The following FMN1 variants were observed in gnomAD, a reference collection of about 807,000 sequenced individuals.
The protein encoded by FMN1 is formin 1.
In FMN1, 110 loss-of-function variants were observed where a neutral mutation model predicts 132.4. That is an observed-to-expected ratio of 0.83 (90% CI 0.71 to 0.97). The LOEUF (loss-of-function observed/expected upper bound fraction) is 0.97, where lower values mean the gene tolerates loss of function less well. Among genes scored for constraint, FMN1 ranks in the 50% least tolerant of loss-of-function variants. FMN1 has a pLI of 0.00. For missense variants in FMN1, 1,792 were observed against 1,705.3 expected (o/e 1.05, Z -0.90); for synonymous variants, 722 against 651.7 (o/e 1.11, Z -1.64).
intron 6 of FMN1, among the ~76,000 whole-genome samples, chr15:33,039,517 A>G (rs1410777187): frequency 6.6e-6 from 1 of 152,220 alleles, no homozygotes; most frequent in Admixed American, 6.5e-5. Flanking sequence ...CTGCTGGAAA[A>G]TTGACCTAGA....
intron 4 of FMN1, among the ~76,000 whole-genome samples, chr15:33,151,546 A>G (rs1384509156): frequency 6.6e-6 from 1 of 152,140 alleles, no homozygotes; most frequent in Non-Finnish European, 1.5e-5. Context: ...CTTTTATGAT[A>G]TTTTTCAAAT....
chr15:32,847,794 G>A (rs1481360901), intron 17 of FMN1, among the ~76,000 whole-genome samples: 1 of 152,176 alleles, frequency 6.6e-6, no homozygotes, highest in African/African-American at 2.4e-5. Context: ...GGCGGAGCGT[G>A]CAGTGAGCTG....
intron 18 of FMN1, 70 bp from the exon 19 acceptor site, chr15:32,799,023 G>T (rs560987206): frequency 9.5e-6 from 13 of 1,374,762 alleles, no homozygotes; most frequent in East Asian, 4.8e-5. Flanking sequence ...ATCCATTAGA[G>T]GGGGGATGCT....
chr15:33,082,111 G>GTGTA (rs1228107055), intron 5 of FMN1, among the ~76,000 whole-genome samples: 4 of 151,396 alleles, frequency 2.6e-5, no homozygotes, highest in African/African-American at 9.7e-5. Flanking sequence ...GTGTGTGTGT[G>GTGTA]TGTGTGTGTG....
intron 7 of FMN1, among the ~76,000 whole-genome samples, chr15:32,972,086 C>A (rs563567985): frequency 5.8e-4 from 89 of 152,196 alleles, no homozygotes; most frequent in African/African-American, 2.0e-3. Context: ...AGCGGATATG[C>A]CAGGGAGGCA....
chr15:33,015,659 TTACCCAC>T (rs1216881716), intron 6 of FMN1, among the ~76,000 whole-genome samples: 1 of 152,066 alleles, frequency 6.6e-6, no homozygotes, highest in Non-Finnish European at 1.5e-5. Context: ...TCACTGGCCT[TTACCCAC>T]TACCTCACAT....
rs971915740 is a variant in FMN1 at position 33,154,011 on chromosome 15, G to C, written c.904C>G (p.Pro302Ala). ...QTGLSESHQDPEKHPEAEKDE... is the reference protein window; with the variant it reads ...QTGLSESHQDAEKHPEAEKDE... Reference sequence around the variant, plus strand: ...TTTTCTGCCTCTGGATGCTTCTCAGGGTCCTGGTGACTTTCAGACAAACCT... The same window carrying C: ...TTTTCTGCCTCTGGATGCTTCTCAGCGTCCTGGTGACTTTCAGACAAACCT... The change falls in exon 4 of 21, where the codon CCT becomes GCT. Residue 302 changes from proline (P) to alanine (A), a missense_variant. Around this residue, in one of 3 missense-constraint regions of FMN1, gnomAD observed 638 missense variants for 645.2 expected, o/e 0.99. Coordinates refer to ENST00000616417, the MANE Select transcript of FMN1 (RefSeq NM_001277313.2). 4.6e-6 allele frequency: 7 copies of C among 1,536,422 alleles called. No individual in the cohort carries two copies. Among genetic ancestry groups the C allele is most frequent in the South Asian group, 1.2e-5 (1 of 84,040 alleles).
intron 6 of FMN1, among the ~76,000 whole-genome samples, chr15:33,009,526 C>G (rs1011437151): frequency 1.3e-5 from 2 of 152,178 alleles, no homozygotes; most frequent in East Asian, 1.9e-4. Flanking sequence ...TCTTGCCATT[C>G]CTTGAACTTG....
chr15:32,870,570 G>A (rs145483062), intron 16 of FMN1, among the ~76,000 whole-genome samples: 67 of 152,308 alleles, frequency 4.4e-4, no homozygotes, highest in Non-Finnish European at 7.6e-4. Context: ...GCCTTTGCAC[G>A]GAATTGTCTA....
At chr15:33,141,218 C>A (rs11072255) in intron 4 of FMN1, among the ~76,000 whole-genome samples, 3 of 151,866 alleles carry the variant, frequency 2.0e-5, no homozygotes, top group Non-Finnish European at 2.9e-5. Context: ...TGTTTTGTGC[C>A]TTTAAGAAAC....
rs963451759 is a variant in FMN1 at position 32,969,056 on chromosome 15, G to T, written c.2645C>A (p.Pro882His). Residue 882 changes from proline (P) to histidine (H), a missense_variant, in exon 8 of 21, where the codon CCC becomes CAC. This residue lies in a region of FMN1 where 1,150 missense variants were observed against 1,043.1 expected (regional missense o/e 1.10). Coordinates refer to ENST00000616417, the MANE Select transcript of FMN1 (RefSeq NM_001277313.2). The part of the protein sequence containing the change: ...PASIPPPPPL[P>H]SGLGSLSPAP... ...GGGAGACAAAGATCCAAGTCCTGAG[G>T]GGAGGGGCGGAGGGGGAGGGATGGA... The T allele has an allele frequency of 1.3e-6, 2 of 1,542,706 alleles. No homozygotes were observed. Among genetic ancestry groups the T allele is most frequent in the African/African-American group, 2.7e-5 (2 of 73,626 alleles).
At chr15:33,103,967 G>A (rs1021283717) in intron 4 of FMN1, among the ~76,000 whole-genome samples, 2 of 151,892 alleles carry the variant, frequency 1.3e-5, no homozygotes, top group African/African-American at 4.8e-5. Context: ...TAAAATGCAA[G>A]TCAGAAGAAA....
intron 12 of FMN1, among the ~76,000 whole-genome samples, chr15:32,904,880 A>T (rs1226121432): frequency 6.6e-6 from 1 of 152,148 alleles, no homozygotes; most frequent in African/African-American, 2.4e-5. Flanking sequence ...GCCCTGCCCC[A>T]TTACTGTTTT....
intron 6 of FMN1, among the ~76,000 whole-genome samples, chr15:33,017,700 G>A (rs1462542500): frequency 6.6e-6 from 1 of 152,164 alleles, no homozygotes; most frequent in Non-Finnish European, 1.5e-5. Context: ...TCAAAAGATG[G>A]GGGGAAACTT....
chr15:32,901,818 A>G (rs2060303586), intron 13 of FMN1, 93 bp downstream of exon 13: 4 of 1,037,190 alleles, frequency 3.9e-6, no homozygotes, highest in Non-Finnish European at 4.0e-6. Flanking sequence ...CTGAGTCCAA[A>G]AAGGTTTCTA....
intron 6 of FMN1, among the ~76,000 whole-genome samples, chr15:33,057,935 A>G (rs1413970108): frequency 8.0e-6 from 1 of 124,332 alleles, no homozygotes. Flanking sequence ...GGCTATAAGC[A>G]CATGAAAGCA....
Position 33,011,884 on chromosome 15 carries a change from G to T in FMN1, c.2162-3809C>A, listed in dbSNP as rs565828807. 2.2e-4 allele frequency among the ~76,000 whole-genome samples: 33 copies of T among 152,298 alleles called. No homozygotes were observed. In the South Asian group the frequency reaches 3.5e-3, roughly 16 times the overall value. On this transcript the variant is annotated intron_variant, in intron 6 of 20. Coordinates refer to ENST00000616417, the MANE Select transcript of FMN1 (RefSeq NM_001277313.2). ...CAGGAATATTTAAGGTCTGACAACA[G>T]AGCCTTGGTGAAGATGCAGAACAAT...
intron 17 of FMN1, among the ~76,000 whole-genome samples, chr15:32,812,607 G>A (rs543459387): frequency 6.6e-6 from 1 of 152,286 alleles, no homozygotes; most frequent in Admixed American, 6.5e-5. Context: ...CAAGTGATGG[G>A]TCTTGTCAAA....
chr15:33,123,692 G>T (rs545930928), intron 4 of FMN1, among the ~76,000 whole-genome samples: 2 of 152,250 alleles, frequency 1.3e-5, no homozygotes, highest in East Asian at 3.9e-4. Flanking sequence ...AGACATGAAC[G>T]TCCCTTCCAT....
Sources: gnomAD v4.1 joint callset for allele counts (sites outside exome capture counted in the v4.1 genomes callset) on GRCh38, gnomAD v4.1.1 for gene constraint, gnomAD v4.1.1 regional missense constraint, MANE v1.5 for transcripts, NCBI Gene and HGNC (gene_info 2026-07-23, HGNC 2026-07-21) for gene names.